Variants in UBR3 observed in about 807,000 individuals in gnomAD.
UBR3 encodes ubiquitin protein ligase E3 component n-recognin 3, also known as E3 ubiquitin-protein ligase UBR3.
In UBR3, 85 loss-of-function variants were observed where a neutral mutation model predicts 243.2. The ratio of observed to expected loss-of-function variants is 0.35; its 90% CI spans 0.29 to 0.42. UBR3 has a LOEUF of 0.42. UBR3 is among the 10% of genes least tolerant of loss of function. The pLI is 1.00. For synonymous variants in UBR3, 748 were observed against 799.8 expected (o/e 0.94, Z 1.09); for missense variants, 1,686 against 2,300.8 (o/e 0.73, Z 5.47).
At chr2:170,080,200 AG>A in intron 37 of UBR3, 177 bp downstream of exon 37, 1 of 645,374 alleles carries the variant, frequency 1.5e-6, no homozygotes, top group Non-Finnish European at 2.6e-6. Flanking sequence ...TGAGGCTTTA[AG>A]TGAGTAAATC....
intron 1 of UBR3, 53 bp downstream of exon 1, chr2:169,828,105 G>C (rs1010194205): frequency 1.5e-4 from 207 of 1,346,156 alleles, no homozygotes; most frequent in Non-Finnish European, 1.9e-4. Flanking sequence ...GGACGTCGCG[G>C]GAGGGCCTGG....
chr2:169,902,598 C>T (rs2084869596), intron 8 of UBR3, among the ~76,000 whole-genome samples: 1 of 141,946 alleles, frequency 7.0e-6, no homozygotes, highest in Non-Finnish European at 1.5e-5. Context: ...TTAAACTTCA[C>T]TTCCTCAGGA....
intron 32 of UBR3, among the ~76,000 whole-genome samples, chr2:170,045,409 ACCC>A (rs2091059620): frequency 6.6e-6 from 1 of 152,070 alleles, no homozygotes; most frequent in African/African-American, 2.4e-5. Context: ...AGGGTCAGTT[ACCC>A]AGGTTTGGAT....
intron 1 of UBR3, among the ~76,000 whole-genome samples, chr2:169,838,203 GA>G (rs1471026159): frequency 1.3e-5 from 2 of 152,152 alleles, no homozygotes; most frequent in African/African-American, 2.4e-5. Context: ...CTGAAATAGG[GA>G]AAAATGGAAA....
chr2:169,830,713 T>G (rs1231799536), intron 1 of UBR3, among the ~76,000 whole-genome samples: 1 of 152,274 alleles, frequency 6.6e-6, no homozygotes, highest in Non-Finnish European at 1.5e-5. Flanking sequence ...TTTTTAAACT[T>G]TTTTTGTTTG....
chr2:169,930,079 G>A (rs1305320874), intron 18 of UBR3, among the ~76,000 whole-genome samples: 1 of 152,104 alleles, frequency 6.6e-6, no homozygotes, highest in Non-Finnish European at 1.5e-5. Flanking sequence ...GGAGTGGAGT[G>A]GTGCTGTGGT....
At chr2:169,876,383 G>T (rs1223602805) in intron 3 of UBR3, among the ~76,000 whole-genome samples, 1 of 152,106 alleles carries the variant, frequency 6.6e-6, no homozygotes, top group Non-Finnish European at 1.5e-5. Flanking sequence ...CCTGGCAAGA[G>T]AACTTCTTGT....
At chr2:169,831,796 TGAAC>T (rs1249558100) in intron 1 of UBR3, among the ~76,000 whole-genome samples, 2 of 152,238 alleles carry the variant, frequency 1.3e-5, no homozygotes, top group African/African-American at 4.8e-5. Context: ...ACAGAATGTT[TGAAC>T]TTTTCTAAGT....
Position 169,949,876 on chromosome 2 carries a change from T to C in UBR3, c.3356T>C (p.Ile1119Thr). 4 of 1,604,436 alleles carry C rather than the reference T, an allele frequency of 2.5e-6. No homozygotes were observed. Among genetic ancestry groups the C allele is most frequent in the Non-Finnish European group, 3.4e-6 (4 of 1,174,474 alleles). Reference protein sequence around the residue: ...PPWLDDIEILIQPEIPKYSHG... With the variant: ...PPWLDDIEILTQPEIPKYSHG... Reference sequence around the variant, plus strand: ...TGGCTTGATGACATAGAAATTTTAATCCAACCAGAAATTCCTAAATACAGT... The same window carrying C: ...TGGCTTGATGACATAGAAATTTTAACCCAACCAGAAATTCCTAAATACAGT... The change falls in exon 23 of 39, where the codon ATC becomes ACC. Residue 1119 changes from isoleucine (I) to threonine (T), a missense_variant. Coordinates refer to ENST00000272793, the MANE Select transcript of UBR3 (RefSeq NM_172070.4).
At chr2:170,031,876 A>G (rs2090681010) in intron 31 of UBR3, among the ~76,000 whole-genome samples, 1 of 152,154 alleles carries the variant, frequency 6.6e-6, no homozygotes. Context: ...ATAGCTGCAT[A>G]GTAGTCCATG....
rs1320009162 is a variant in UBR3, at chr2:169,883,566, G to T, written c.1038+4992G>T. On this transcript the variant is annotated intron_variant, in intron 5 of 38. Coordinates refer to ENST00000272793, the MANE Select transcript of UBR3 (RefSeq NM_172070.4). ...CATGTTTTAAAACTTCCACAACCAG[G>T]ATATGACATTAGTCATTCTTTTCCC... Among the ~76,000 whole-genome samples the T allele has an allele frequency of 2.0e-5, 3 of 152,284 alleles. No individual in the cohort carries two copies. The East Asian group carries it at 5.8e-4, about 29-fold the overall frequency.
intron 30 of UBR3, 117 bp from the exon 31 acceptor site, chr2:170,029,228 AT>A: frequency 1.3e-6 from 1 of 763,012 alleles, no homozygotes; most frequent in Non-Finnish European, 2.0e-6. Flanking sequence ...AACTTGGTGA[AT>A]TTTAATTGTC....
chr2:169,885,219 G>C (rs1466899646), intron 5 of UBR3, among the ~76,000 whole-genome samples: 2 of 152,188 alleles, frequency 1.3e-5, no homozygotes, highest in Admixed American at 1.3e-4. Context: ...TATCATAAAG[G>C]AAGATAGGAT....
chr2:169,940,364 T>C (rs1409716227), intron 19 of UBR3, among the ~76,000 whole-genome samples: 1 of 152,198 alleles, frequency 6.6e-6, no homozygotes, highest in Non-Finnish European at 1.5e-5. Context: ...TAATGGCTTC[T>C]GAATTTCTAA....
chr2:169,983,252 C>CTTTTTTTTTTTTTTTTTTTTTTTTT (rs72194627), intron 24 of UBR3, among the ~76,000 whole-genome samples: 7 of 71,986 alleles, frequency 9.7e-5, no homozygotes, highest in African/African-American at 3.5e-4. Context: ...ATTCTCTCTC[C>CTTTTTTTTTTTTTTTTTTTTTTTTT]TTTTTTTTTT....
chr2:169,845,447 G>GT (rs200597226), intron 1 of UBR3, among the ~76,000 whole-genome samples: 18,716 of 138,028 alleles, frequency 0.14, 1,752 homozygotes, highest in East Asian at 0.42. Context: ...GAAATTTTGA[G>GT]TTTTTTTTTT....
At chr2:169,881,775 T>A (rs2083846778) in intron 5 of UBR3, among the ~76,000 whole-genome samples, 1 of 139,804 alleles carries the variant, frequency 7.2e-6, no homozygotes, top group South Asian at 2.1e-4. Context: ...TTATATATAA[T>A]ATAATATATA....
At chr2:169,996,248 A>G (rs1337951984) in intron 26 of UBR3, among the ~76,000 whole-genome samples, 1 of 152,206 alleles carries the variant, frequency 6.6e-6, no homozygotes, top group Non-Finnish European at 1.5e-5. Flanking sequence ...TATTGTGTAG[A>G]GTAGAAAGAG....
intron 5 of UBR3, among the ~76,000 whole-genome samples, chr2:169,885,472 G>A (rs1190252867): frequency 6.6e-6 from 1 of 151,984 alleles, no homozygotes; most frequent in African/African-American, 2.4e-5. Context: ...TCCTAGCTCC[G>A]GAGGTTGAGG....
Sources: gnomAD v4.1 joint callset for allele counts (sites outside exome capture counted in the v4.1 genomes callset) on GRCh38, gnomAD v4.1.1 for gene constraint, MANE v1.5 for transcripts, NCBI Gene and HGNC (gene_info 2026-07-23, HGNC 2026-07-21) for gene names.